Variants in MTX2 observed in about 807,000 individuals in gnomAD.
MTX2 encodes metaxin 2.
Under a neutral mutation model 42.3 loss-of-function variants are expected in MTX2, and 35 were observed. That is an observed-to-expected ratio of 0.83 (90% CI 0.63 to 1.10). The LOEUF (loss-of-function observed/expected upper bound fraction) is 1.10. MTX2 is among the 50% of genes least tolerant of loss of function. The pLI, the probability that MTX2 is intolerant of heterozygous loss-of-function variation, is 0.00. For synonymous variants in MTX2, 119 were observed against 100.9 expected (o/e 1.18, Z -1.08); for missense variants, 307 against 304.1 (o/e 1.01, Z -0.07).
intron 7 of MTX2, 65 bp downstream of exon 7, chr2:176,328,977 G>A (rs1199210260): frequency 5.0e-5 from 66 of 1,330,162 alleles, no homozygotes; most frequent in Middle Eastern, 2.3e-4. Flanking sequence ...GCTCAGAATC[G>A]CAAGTCCCTG....
chr2:176,315,426 C>T (rs1055410476), intron 3 of MTX2, among the ~76,000 whole-genome samples: 1 of 152,146 alleles, frequency 6.6e-6, no homozygotes, highest in Non-Finnish European at 1.5e-5. Flanking sequence ...TAGAATCTGA[C>T]GTATCACTTT....
At chr2:176,298,007 T>C in intron 3 of MTX2, 112 bp downstream of exon 3, 1 of 637,126 alleles carries the variant, frequency 1.6e-6, no homozygotes, top group East Asian at 3.3e-5. Context: ...ATGTTTAGAT[T>C]TTTTTCTGTG....
intron 3 of MTX2, among the ~76,000 whole-genome samples, chr2:176,318,464 T>A (rs1277912666): frequency 2.0e-5 from 3 of 152,236 alleles, no homozygotes; most frequent in Non-Finnish European, 4.4e-5. Flanking sequence ...TACCAGGTAG[T>A]CACTAAATTT....
At chr2:176,285,183 T>G (rs1374160499) in intron 1 of MTX2, among the ~76,000 whole-genome samples, 1 of 152,120 alleles carries the variant, frequency 6.6e-6, no homozygotes, top group Admixed American at 6.6e-5. Context: ...TTGAACAAAT[T>G]ACTTAGCTTG....
At chr2:176,298,686 T>G (rs1434751981) in intron 3 of MTX2, among the ~76,000 whole-genome samples, 1 of 152,094 alleles carries the variant, frequency 6.6e-6, no homozygotes, top group Non-Finnish European at 1.5e-5. Flanking sequence ...TATGAATGGT[T>G]TATAAGTGTG....
intron 1 of MTX2, among the ~76,000 whole-genome samples, chr2:176,291,755 TG>T (rs1390725112): frequency 7.2e-5 from 11 of 152,282 alleles, no homozygotes; most frequent in African/African-American, 2.6e-4. Flanking sequence ...CTCGTGAACC[TG>T]GCTGTACCTG....
At chr2:176,294,181 T>C (rs1683782797) in intron 1 of MTX2, among the ~76,000 whole-genome samples, 1 of 152,188 alleles carries the variant, frequency 6.6e-6, no homozygotes, top group African/African-American at 2.4e-5. Context: ...TCTTTAGTCT[T>C]ATTTGCAGTG....
At chr2:176,292,252 G>A (rs1271883051) in intron 1 of MTX2, among the ~76,000 whole-genome samples, 2 of 152,122 alleles carry the variant, frequency 1.3e-5, no homozygotes, top group Non-Finnish European at 1.5e-5. Context: ...AGGTAGAGTA[G>A]GTGAGTCATG....
chr2:176,337,576 A>G lies in MTX2; in HGVS notation c.704A>G (p.Lys235Arg). ...TQLTNDELSE[K>R]VKNYSNLLAF... ...TTGACAAATGATGAACTTTCTGAGAAGGTGAAAAACTATAGCAACCTCCTT... is the reference window on the plus strand; with the variant it reads ...TTGACAAATGATGAACTTTCTGAGAGGGTGAAAAACTATAGCAACCTCCTT... The change falls in exon 10 of 10, where the codon AAG becomes AGG. Residue 235 changes from lysine (K) to arginine (R), a missense_variant. Physicochemically the swap from Lys to Arg is conservative, Grantham distance 26. Coordinates refer to ENST00000249442, the MANE Select transcript of MTX2 (RefSeq NM_006554.5). The G allele has an allele frequency of 2.5e-6, 4 of 1,613,542 alleles. No homozygotes were observed. Among genetic ancestry groups the G allele is most frequent in the Non-Finnish European group, 3.4e-6 (4 of 1,179,602 alleles).
At chr2:176,337,407 G>A (rs1313598378) in intron 9 of MTX2, 86 bp from the exon 10 acceptor site, 2 of 1,163,918 alleles carry the variant, frequency 1.7e-6, no homozygotes, top group Non-Finnish European at 2.4e-6. Context: ...ACGAGTATGG[G>A]ACCTGTGGGT....
chr2:176,319,287 A>G (rs1684518884), intron 3 of MTX2, among the ~76,000 whole-genome samples: 2 of 152,180 alleles, frequency 1.3e-5, no homozygotes, highest in South Asian at 4.1e-4. Flanking sequence ...TGTGCTGATA[A>G]GATATTGAAA....
chr2:176,325,546 C>G (rs555929823), intron 4 of MTX2, among the ~76,000 whole-genome samples: 3 of 151,546 alleles, frequency 2.0e-5, no homozygotes, highest in African/African-American at 4.8e-5. Flanking sequence ...AAATACAAAC[C>G]CTTTTTTCCA....
At chr2:176,330,462 T>C in intron 8 of MTX2, 122 bp from the exon 9 acceptor site, 1 of 546,806 alleles carries the variant, frequency 1.8e-6, no homozygotes, top group Non-Finnish European at 3.2e-6. Context: ...TTAAAATATA[T>C]TATAAAAGGT....
At chr2:176,331,617 A>G (rs905670186) in intron 9 of MTX2, among the ~76,000 whole-genome samples, 7 of 151,174 alleles carry the variant, frequency 4.6e-5, no homozygotes, top group African/African-American at 1.7e-4. Flanking sequence ...TATAATTGAT[A>G]TTAAAATCTG....
In MTX2 at chr2:176,337,728, A is replaced by G; in HGVS notation, c.*64A>G. 1 of 1,416,874 alleles carries G rather than the reference A, an allele frequency of 7.1e-7. No individual in the cohort carries two copies. Among genetic ancestry groups the G allele is most frequent in the Non-Finnish European group, 9.4e-7 (1 of 1,061,650 alleles). 87.8% of individuals were successfully genotyped at this position (1,416,874 alleles called of 1,614,324 possible). On this transcript the variant is annotated 3_prime_UTR_variant, in exon 10 of 10. Transcript: ENST00000249442. The stretch of plus-strand genomic sequence containing the variant: ...ATGTTTTACTTGAATGTTACATTAG[A>G]TATTGGTGTCAGAATTTTAAAACCA...
At chr2:176,319,371 T>A (rs933167255) in intron 3 of MTX2, among the ~76,000 whole-genome samples, 2 of 152,036 alleles carry the variant, frequency 1.3e-5, no homozygotes, top group Non-Finnish European at 2.9e-5. Flanking sequence ...AAATACTGTT[T>A]GAGTCAAACC....
intron 1 of MTX2, among the ~76,000 whole-genome samples, chr2:176,275,517 G>A (rs1692926979): frequency 6.6e-6 from 1 of 152,090 alleles, no homozygotes; most frequent in Admixed American, 6.6e-5. Flanking sequence ...GAGATTACAG[G>A]TGTGAGCCAC....
intron 1 of MTX2, among the ~76,000 whole-genome samples, chr2:176,283,626 G>T (rs1693129666): frequency 6.6e-6 from 1 of 152,186 alleles, no homozygotes. Flanking sequence ...AGATAGCAAA[G>T]TATATGTACA....
intron 3 of MTX2, among the ~76,000 whole-genome samples, chr2:176,308,233 A>G (rs1188408924): frequency 6.6e-6 from 1 of 152,192 alleles, no homozygotes; most frequent in African/African-American, 2.4e-5. Context: ...CCAGCCTTGC[A>G]TCCCAAGGAT....
Sources: allele counts gnomAD v4.1 joint callset (sites outside exome capture counted in the v4.1 genomes callset), GRCh38; gene constraint gnomAD v4.1.1; transcripts MANE v1.5; gene names NCBI Gene and HGNC (gene_info 2026-07-23, HGNC 2026-07-21).